PCBP3: variants seen among roughly 807,000 people sequenced by gnomAD.
PCBP3 encodes poly(rC) binding protein 3.
PCBP3 carries 25 observed loss-of-function variants against 52.7 expected under a neutral mutation model. That is an observed-to-expected ratio of 0.47 (90% CI 0.35 to 0.66). The LOEUF is 0.66. Among genes scored for constraint, PCBP3 ranks in the 30% least tolerant of loss-of-function variants. The pLI is 0.01. For missense variants in PCBP3, 391 were observed against 490.3 expected, an observed-to-expected ratio of 0.80 and a Z score of 1.91; for synonymous variants, 162 against 183.0, an observed-to-expected ratio of 0.89 and a Z score of 0.93.
chr21:45,907,907 C>A (rs1290583970), intron 9 of PCBP3, among the ~76,000 whole-genome samples: 1 of 151,658 alleles, frequency 6.6e-6, no homozygotes, highest in East Asian at 1.9e-4. Context: ...GGAGAGCTTA[C>A]GAGCCTGGGG....
rs1244848677 is a variant in PCBP3 at position 45,741,522 on chromosome 21, T to C, written c.-162+6093T>C. On this transcript the variant is annotated intron_variant, in intron 3 of 17. Coordinates refer to ENST00000681687, the MANE Select transcript of PCBP3 (RefSeq NM_001384156.1). This position sits in a 1 kb window ranked among gnomAD's most constrained non-coding sequence, Gnocchi z 4.5. ...GCAATACAAACTCAGTAATTAGAAA[T>C]ATGGAGATAAAGAAATGCCAAAAGA... Among the ~76,000 whole-genome samples the C allele has an allele frequency of 6.6e-6, 1 of 151,650 alleles. No homozygotes were observed. Among genetic ancestry groups the C allele is most frequent in the Non-Finnish European group, 1.5e-5 (1 of 67,938 alleles).
Position 45,898,319 on chromosome 21 carries a change from G to GCACACCGTCCTCACAGCCTCCCTCTA in PCBP3, c.166-1255_166-1254insACACACCGTCCTCACAGCCTCCCTCT, listed in dbSNP as rs1569466388. Among the ~76,000 whole-genome samples the GCACACCGTCCTCACAGCCTCCCTCTA allele has an allele frequency of 2.4e-4, 17 of 71,570 alleles. 4 individuals are homozygous for GCACACCGTCCTCACAGCCTCCCTCTA. Among genetic ancestry groups the GCACACCGTCCTCACAGCCTCCCTCTA allele is most frequent in the African/African-American group, 6.9e-4 (11 of 15,940 alleles). 47.0% of individuals were successfully genotyped at this position (71,570 alleles called of 152,430 possible). A position where few individuals can be genotyped will look rare whatever the true frequency, so the allele number is the denominator to read the frequency against. ...CACACCGTCCTCACAGTCTCCCTCT[G>GCACACCGTCCTCACAGCCTCCCTCTA]CACACCGTCCTCACAGCCTCCCTCT... On this transcript the variant is annotated intron_variant, in intron 6 of 17. Transcript: ENST00000681687.
At position 45,817,418 on chromosome 21, in the gene PCBP3, C is replaced by T. The variant is rs760479072; in HGVS notation, c.-125-32543C>T. Among the ~76,000 whole-genome samples, 6 of 152,238 alleles carry T rather than the reference C, an allele frequency of 3.9e-5. No individual in the cohort carries two copies. The highest frequency in any genetic ancestry group is 6.5e-5 in the Admixed American group (1 of 15,288). ...TCTGCCATTCCTCATGGAGTCCTTG[C>T]GTGCACAGCATAGTATTTGGCCAAC... On this transcript the variant is annotated intron_variant, in intron 4 of 17. Transcript: ENST00000681687. The surrounding 1 kb of genome is among the most constrained non-coding windows in gnomAD (Gnocchi z 4.3).
At chr21:45,710,838 T>C (rs1414567884) in intron 2 of PCBP3, among the ~76,000 whole-genome samples, 1 of 152,228 alleles carries the variant, frequency 6.6e-6, no homozygotes, top group Non-Finnish European at 1.5e-5. Context: ...CAATCATTTA[T>C]TTATTTAAGC....
intron 1 of PCBP3, among the ~76,000 whole-genome samples, chr21:45,665,602 A>T (rs9983307): frequency 0.2 from 30,939 of 152,058 alleles, 3,456 homozygotes; most frequent in Middle Eastern, 0.34. Flanking sequence ...GACCAATAAC[A>T]AGTAGCGAGA....
intron 4 of PCBP3, among the ~76,000 whole-genome samples, chr21:45,779,764 G>C (rs2090504090): frequency 6.6e-6 from 1 of 152,190 alleles, no homozygotes; most frequent in Non-Finnish European, 1.5e-5. Flanking sequence ...ATATTGTTAA[G>C]ATGTTAATTC....
chr21:45,880,553 C>T lies in PCBP3; in HGVS notation c.11-15655C>T, dbSNP rs143635297. ...TGGAAATTGAGCTGGGCTCAGTGCT[C>T]ATGGTGTGAATCTGTCTAATCCTTA... On this transcript the variant is annotated intron_variant, in intron 5 of 17. Coordinates refer to ENST00000681687, the MANE Select transcript of PCBP3 (RefSeq NM_001384156.1). This position sits in a 1 kb window ranked among gnomAD's most constrained non-coding sequence, Gnocchi z 5.4. 6.6e-6 allele frequency among the ~76,000 whole-genome samples: 1 copy of T among 152,318 alleles called. No individual in the cohort carries two copies. Among genetic ancestry groups the T allele is most frequent in the Non-Finnish European group, 1.5e-5 (1 of 68,038 alleles).
At chr21:45,884,090 T>A (rs2095463789) in intron 5 of PCBP3, among the ~76,000 whole-genome samples, 2 of 151,956 alleles carry the variant, frequency 1.3e-5, no homozygotes, top group South Asian at 4.2e-4. Context: ...TGCACCACCA[T>A]GCCCAGCCAA....
chr21:45,726,528 C>T (rs914501033), intron 2 of PCBP3, among the ~76,000 whole-genome samples: 5 of 152,158 alleles, frequency 3.3e-5, no homozygotes, highest in Admixed American at 6.5e-5. Context: ...CATCCTGACC[C>T]GCCCTGCTCA....
Position 45,940,022 on chromosome 21 carries a change from G to T in PCBP3, c.910-8G>T. The T allele has an allele frequency of 6.2e-7, 1 of 1,611,696 alleles. No individual in the cohort carries two copies. The highest frequency in any genetic ancestry group is 8.5e-7 in the Non-Finnish European group (1 of 1,178,078). On this transcript the variant is annotated splice_polypyrimidine_tract_variant and splice_region_variant and intron_variant, in intron 16 of 17. Coordinates refer to ENST00000681687, the MANE Select transcript of PCBP3 (RefSeq NM_001384156.1). Reference sequence around the variant, plus strand: ...TTCTCTAAGAAATCCCCCCGTCCTTGTTTCTAGCTAATAGGCTGCATAATT... The same window carrying T: ...TTCTCTAAGAAATCCCCCCGTCCTTTTTTCTAGCTAATAGGCTGCATAATT...
intron 4 of PCBP3, among the ~76,000 whole-genome samples, chr21:45,774,543 C>T (rs1349574011): frequency 6.6e-6 from 1 of 152,150 alleles, no homozygotes; most frequent in East Asian, 1.9e-4. Context: ...CTGGCTAGGA[C>T]TTCCAGTATT....
At chr21:45,890,786 T>C (rs2095637961) in intron 5 of PCBP3, among the ~76,000 whole-genome samples, 2 of 147,164 alleles carry the variant, frequency 1.4e-5, no homozygotes, top group African/African-American at 5.1e-5. Flanking sequence ...ATGTAGATAA[T>C]AGAACCTGGA....
chr21:45,804,101 C>A (rs994328371), intron 4 of PCBP3, among the ~76,000 whole-genome samples: 1 of 152,172 alleles, frequency 6.6e-6, no homozygotes, highest in Non-Finnish European at 1.5e-5. Flanking sequence ...CCCACAGGTG[C>A]CCACTGCCTG....
At chr21:45,739,593 CCCATCTTCATCA>C (rs1569168643) in intron 3 of PCBP3, among the ~76,000 whole-genome samples, 22 of 112,700 alleles carry the variant, frequency 2.0e-4, no homozygotes, top group South Asian at 3.6e-4. Context: ...GGTGCCCCCC[CCCATCTTCATCA>C]GCCCACCCCT....
chr21:45,929,226 G>T (rs868469141), intron 13 of PCBP3, among the ~76,000 whole-genome samples: 1 of 152,190 alleles, frequency 6.6e-6, no homozygotes, highest in Non-Finnish European at 1.5e-5. Context: ...AGGGACCGGG[G>T]ACACAGGCGG....
intron 5 of PCBP3, among the ~76,000 whole-genome samples, chr21:45,861,606 G>A (rs1462368666): frequency 2.0e-5 from 3 of 151,948 alleles, no homozygotes; most frequent in Non-Finnish European, 4.4e-5. Flanking sequence ...TGTGGCCACC[G>A]TATCCTCCTC....
chr21:45,703,398 A>T (rs1033787560), intron 2 of PCBP3, among the ~76,000 whole-genome samples: 2 of 152,262 alleles, frequency 1.3e-5, no homozygotes, highest in Admixed American at 6.5e-5. Flanking sequence ...GTCTTGCAGA[A>T]TGGATGCGGT....
Position 45,685,752 on chromosome 21 carries a change from A to G in PCBP3, c.-200+16800A>G, listed in dbSNP as rs571700694. On this transcript the variant is annotated intron_variant, in intron 2 of 17. Coordinates refer to ENST00000681687, the MANE Select transcript of PCBP3 (RefSeq NM_001384156.1). ...GTTGGAGATTGTGAAGAGGAGATACATGGAAAGACTCTGAAGAGAAGTAAA... is the reference window on the plus strand; with the variant it reads ...GTTGGAGATTGTGAAGAGGAGATACGTGGAAAGACTCTGAAGAGAAGTAAA... Among the ~76,000 whole-genome samples, 10 of 152,294 alleles carry G rather than the reference A, an allele frequency of 6.6e-5. No individual in the cohort carries two copies. In the East Asian group the frequency reaches 1.5e-3, roughly 23 times the overall value.
intron 12 of PCBP3, chr21:45,914,465 G>C: frequency 3.2e-6 from 1 of 316,862 alleles, no homozygotes; most frequent in East Asian, 6.5e-5. Context: ...TGCGAGAGGA[G>C]GGAGCTCTGC....
Sources: allele counts gnomAD v4.1 joint callset (sites outside exome capture counted in the v4.1 genomes callset), GRCh38; gene constraint gnomAD v4.1.1; non-coding constraint Gnocchi (gnomAD v3.1); transcripts MANE v1.5; gene names NCBI Gene and HGNC (gene_info 2026-07-23, HGNC 2026-07-21).